OR2L13: variants seen among roughly 807,000 people sequenced by gnomAD.
The protein encoded by OR2L13 is olfactory receptor family 2 subfamily L member 13.
OR2L13 carries 14 observed loss-of-function variants against 15.3 expected under a neutral mutation model. The observed-to-expected ratio is 0.91, with a 90% confidence interval of 0.60 to 1.43. OR2L13 has a LOEUF of 1.43. OR2L13 is among the 40% of genes most tolerant of loss of function. The pLI is 0.00. For missense variants in OR2L13, 367 were observed against 387.9 expected (o/e 0.95, Z 0.45); for synonymous variants, 152 against 142.9 (o/e 1.06, Z -0.45).
chr1:247,940,366 A>G, the OR2L13 span, among the ~76,000 whole-genome samples: 6 of 152,198 alleles, frequency 3.9e-5, no homozygotes, highest in Admixed American at 6.5e-5. Context: ...TTAATAGGAA[A>G]AACTAGAAAA....
the OR2L13 span, among the ~76,000 whole-genome samples, chr1:247,987,509 C>T: frequency 9.9e-5 from 15 of 151,872 alleles, no homozygotes; most frequent in Admixed American, 7.2e-4. Flanking sequence ...AATTCTTAAC[C>T]GTGATAGAAT....
At chr1:247,949,044 A>T in the OR2L13 span, 1 of 1,613,898 alleles carries the variant, frequency 6.2e-7, no homozygotes, top group African/African-American at 1.3e-5. Context: ...TTTCCTACTG[A>T]GTCAGCTCTC....
At chr1:247,974,142 G>A in the OR2L13 span, among the ~76,000 whole-genome samples, 2 of 152,154 alleles carry the variant, frequency 1.3e-5, no homozygotes, top group African/African-American at 4.8e-5. Flanking sequence ...CATGGATGAA[G>A]CTGGAAACCA....
the OR2L13 span, among the ~76,000 whole-genome samples, chr1:247,978,576 C>T: frequency 6.6e-6 from 1 of 152,186 alleles, no homozygotes; most frequent in African/African-American, 2.4e-5. Context: ...GGACTGAACA[C>T]AGACATTAAA....
rs147251914 is a variant in OR2L13, at chr1:248,100,396, A to G, written c.*82A>G. 2,946 of 656,260 alleles carry G rather than the reference A, an allele frequency of 4.5e-3. 139 individuals are homozygous for G. The Admixed American group carries it at 0.088, about 20-fold the overall frequency. 40.7% of individuals were successfully genotyped at this position (656,260 alleles called of 1,614,324 possible). ...TAGAGCAGGGTTGTCCAATAGAAATACAACATAATTTAAAATTTTCTAATA... is the reference window on the plus strand; with the variant it reads ...TAGAGCAGGGTTGTCCAATAGAAATGCAACATAATTTAAAATTTTCTAATA... On this transcript the variant is annotated 3_prime_UTR_variant, in exon 3 of 3. Coordinates refer to ENST00000641714, the Ensembl canonical transcript of OR2L13.
chr1:248,022,009 A>G, the OR2L13 span: 2 of 1,613,946 alleles, frequency 1.2e-6, no homozygotes, highest in Admixed American at 1.7e-5. Flanking sequence ...CCACCATCAA[A>G]AATTGGCCTT....
the OR2L13 span, among the ~76,000 whole-genome samples, chr1:248,005,867 C>T: frequency 2.0e-5 from 3 of 152,164 alleles, no homozygotes; most frequent in African/African-American, 7.2e-5. Context: ...TTAAAACATA[C>T]ATTTTGAACT....
the OR2L13 span, among the ~76,000 whole-genome samples, chr1:248,006,379 A>G: frequency 9.2e-5 from 14 of 151,946 alleles, no homozygotes; most frequent in African/African-American, 3.4e-4. Context: ...AACTGCATGC[A>G]TTCTGCCAAC....
chr1:248,035,243 G>T, the OR2L13 span, among the ~76,000 whole-genome samples: 2 of 152,032 alleles, frequency 1.3e-5, no homozygotes, highest in Non-Finnish European at 1.5e-5. Context: ...GAGGTCAGGA[G>T]ATCGAGACCA....
the OR2L13 span, chr1:248,060,533 G>A: frequency 1.5e-6 from 1 of 647,462 alleles, no homozygotes; most frequent in Non-Finnish European, 2.8e-6. Flanking sequence ...TGTGTGGACA[G>A]AAAATAATAG....
the OR2L13 span, among the ~76,000 whole-genome samples, chr1:247,959,880 G>A: frequency 2.6e-5 from 4 of 152,136 alleles, no homozygotes; most frequent in Non-Finnish European, 4.4e-5. Flanking sequence ...CTTTGCAATG[G>A]GTTCGAACTT....
chr1:247,969,101 A>G, the OR2L13 span, among the ~76,000 whole-genome samples: 2 of 152,116 alleles, frequency 1.3e-5, no homozygotes, highest in East Asian at 3.9e-4. Context: ...ACCAGTGATG[A>G]TGAGCATTTT....
chr1:248,013,331 GAATA>G, the OR2L13 span, among the ~76,000 whole-genome samples: 1 of 152,116 alleles, frequency 6.6e-6, no homozygotes, highest in African/African-American at 2.4e-5. Context: ...ACCATAATCT[GAATA>G]AATATACTTG....
chr1:248,010,763 GTTTTTTTTT>G, the OR2L13 span, among the ~76,000 whole-genome samples: 5 of 44,476 alleles, frequency 1.1e-4, no homozygotes, highest in Non-Finnish European at 1.5e-4. Flanking sequence ...CTTTGTTGTT[GTTTTTTTTT>G]TTTTTTTTTT....
chr1:247,975,217 C>A, the OR2L13 span: 6 of 399,302 alleles, frequency 1.5e-5, no homozygotes, highest in Non-Finnish European at 3.0e-5. Flanking sequence ...GCTCACATTT[C>A]ATATATGCCC....
the OR2L13 span, among the ~76,000 whole-genome samples, chr1:248,087,728 A>G: frequency 6.6e-6 from 1 of 152,170 alleles, no homozygotes; most frequent in African/African-American, 2.4e-5. Flanking sequence ...AGATTAAAGT[A>G]TTTCCTAAGG....
chr1:247,957,448 C>T, the OR2L13 span, among the ~76,000 whole-genome samples: 2 of 152,140 alleles, frequency 1.3e-5, no homozygotes, highest in African/African-American at 4.8e-5. Context: ...CAGGATGATG[C>T]TGGCTTCATA....
the OR2L13 span, among the ~76,000 whole-genome samples, chr1:248,037,970 T>A: frequency 6.6e-6 from 1 of 152,218 alleles, no homozygotes; most frequent in African/African-American, 2.4e-5. Context: ...TTCAATATGA[T>A]GGTTTGAAAG....
At chr1:247,942,054 A>C in the OR2L13 span, among the ~76,000 whole-genome samples, 1 of 152,182 alleles carries the variant, frequency 6.6e-6, no homozygotes, top group Non-Finnish European at 1.5e-5. Flanking sequence ...ACACAAAAAA[A>C]CTACATGATC....
Sources: allele counts gnomAD v4.1 joint callset (sites outside exome capture counted in the v4.1 genomes callset), GRCh38; gene constraint gnomAD v4.1.1; transcripts MANE v1.5; gene names NCBI Gene and HGNC (gene_info 2026-07-23, HGNC 2026-07-21).